RNF144A: variants seen among roughly 807,000 people sequenced by gnomAD.
RNF144A encodes the protein ring finger protein 144A, also known as E3 ubiquitin-protein ligase RNF144A.
RNF144A carries 11 observed loss-of-function variants against 38.7 expected under a neutral mutation model. The ratio of observed to expected loss-of-function variants is 0.28; its 90% CI spans 0.18 to 0.47. The LOEUF is 0.47. Among genes scored for constraint, RNF144A ranks in the 20% least tolerant of loss-of-function variants. The pLI is 0.99. For synonymous variants in RNF144A, 149 were observed against 143.9 expected, an observed-to-expected ratio of 1.04 and a Z score of -0.25; for missense variants, 316 against 377.2, an observed-to-expected ratio of 0.84 and a Z score of 1.34.
Position 7,043,714 on chromosome 2 carries a change from A to G in RNF144A, c.*3954A>G. On this transcript the variant is annotated 3_prime_UTR_variant, in exon 9 of 9. Transcript: ENST00000320892. ...GAGAGCATGCCGTCTTGATGTTTAA[A>G]AAACCCAGGGTCTCCACCCTTCCTT... The G allele has an allele frequency of 5.1e-6, 5 of 985,894 alleles. No individual in the cohort carries two copies. Among genetic ancestry groups the G allele is most frequent in the African/African-American group, 3.5e-5 (2 of 57,352 alleles). The allele number at this position is 985,894 out of a possible 1,614,324, so 61.1% of individuals were successfully genotyped here. A position where few individuals can be genotyped will look rare whatever the true frequency, so the allele number is the denominator to read the frequency against.
chr2:6,994,307 G>T (rs1429030718), intron 2 of RNF144A, among the ~76,000 whole-genome samples: 1 of 152,148 alleles, frequency 6.6e-6, no homozygotes, highest in Non-Finnish European at 1.5e-5. Context: ...AGTGCCTGGG[G>T]TGAAGGTTTG....
In RNF144A at chr2:7,040,662, C is replaced by T. The variant is rs531090998; in HGVS notation, c.*902C>T. On this transcript the variant is annotated 3_prime_UTR_variant, in exon 9 of 9. Transcript: ENST00000320892. Reference sequence around the variant, plus strand: ...CAATGGTTCTCCTCCGAATTGCTGCCGTCTGGCCTCTGGCCTCAGTCTTCA... The same window carrying T: ...CAATGGTTCTCCTCCGAATTGCTGCTGTCTGGCCTCTGGCCTCAGTCTTCA... 8 of 985,438 alleles carry T rather than the reference C, an allele frequency of 8.1e-6. No homozygotes were observed. Among genetic ancestry groups the T allele is most frequent in the Middle Eastern group, 5.2e-4 (1 of 1,914 alleles). 61.0% of individuals were successfully genotyped at this position (985,438 alleles called of 1,614,324 possible). A position where few individuals can be genotyped will look rare whatever the true frequency, so the allele number is the denominator to read the frequency against.
rs530220400 is a variant in RNF144A at position 7,018,126 on chromosome 2, G to A, written c.302-2347G>A. ...ATGAAGAGACCGAGACCCAGCTTTGGGATGTCTGCTCCTTGCTGATGTCAG... is the reference window on the plus strand; with the variant it reads ...ATGAAGAGACCGAGACCCAGCTTTGAGATGTCTGCTCCTTGCTGATGTCAG... On this transcript the variant is annotated intron_variant, in intron 5 of 8. Coordinates refer to ENST00000320892, the MANE Select transcript of RNF144A (RefSeq NM_014746.6). Among the ~76,000 whole-genome samples the A allele has an allele frequency of 4.3e-4, 66 of 152,266 alleles. 1 individual carries two copies. In the South Asian group the frequency reaches 0.014, roughly 32 times the overall value.
At chr2:7,023,216 A>T (rs1328366152) in intron 6 of RNF144A, among the ~76,000 whole-genome samples, 1 of 152,194 alleles carries the variant, frequency 6.6e-6, no homozygotes, top group African/African-American at 2.4e-5. Flanking sequence ...CCTTCTACTA[A>T]TGGACCAAAC....
At chr2:6,927,491 G>T (rs1446471082) in intron 1 of RNF144A, among the ~76,000 whole-genome samples, 1 of 152,190 alleles carries the variant, frequency 6.6e-6, no homozygotes, top group Admixed American at 6.5e-5. Context: ...GCTGTGTCCT[G>T]CTGGCCTGGC....
At chr2:7,021,302 T>C (rs770618143) in intron 6 of RNF144A, among the ~76,000 whole-genome samples, 1 of 152,150 alleles carries the variant, frequency 6.6e-6, no homozygotes, top group Non-Finnish European at 1.5e-5. Flanking sequence ...CCTGCTCCTG[T>C]TGAGTCCAGG....
Position 7,041,670 on chromosome 2 carries a change from C to T in RNF144A, c.*1910C>T. ...ATATGTGGATGCAGCTGTCCAGCCA[C>T]TGCCCTTTAACATGCCCAGCACACA... On this transcript the variant is annotated 3_prime_UTR_variant, in exon 9 of 9. Transcript: ENST00000320892. 3.0e-6 allele frequency: 3 copies of T among 985,536 alleles called. No homozygotes were observed. Among genetic ancestry groups the T allele is most frequent in the Non-Finnish European group, 3.6e-6 (3 of 829,966 alleles). 61.0% of individuals were successfully genotyped at this position (985,536 alleles called of 1,614,324 possible). A position where few individuals can be genotyped will look rare whatever the true frequency, so the allele number is the denominator to read the frequency against.
chr2:6,991,122 G>A (rs761929965), intron 2 of RNF144A, among the ~76,000 whole-genome samples: 3 of 152,118 alleles, frequency 2.0e-5, no homozygotes, highest in East Asian at 3.8e-4. Context: ...TGGCAGTTAC[G>A]GCTGAGCTGC....
rs1672932007 is a variant in RNF144A at position 7,039,765 on chromosome 2, AGCGCGAT to A, written c.*8_*14del. ...GACGACCCGTTACCCACCTAGAGGA[AGCGCGAT>A]GCTGGAACACATCCCTGCCTCCGGG... On this transcript the variant is annotated 3_prime_UTR_variant, in exon 9 of 9. Transcript: ENST00000320892. 3 of 1,612,528 alleles carry A rather than the reference AGCGCGAT, an allele frequency of 1.9e-6. No homozygotes were observed. In the African/African-American group the frequency reaches 4.0e-5, roughly 22 times the overall value.
Position 6,936,083 on chromosome 2 carries a change from G to C in RNF144A, c.-211-4865G>C, listed in dbSNP as rs369242696. ...TCGGCCTATGGAAACAGTGAAGGCA[G>C]GGGGAGCTTCACTGTTATTGCTTGT... On this transcript the variant is annotated intron_variant, in intron 1 of 8. Transcript: ENST00000320892. Among the ~76,000 whole-genome samples, 5 of 152,356 alleles carry C rather than the reference G, an allele frequency of 3.3e-5. No individual in the cohort carries two copies. The East Asian group carries it at 5.8e-4, about 18-fold the overall frequency.
intron 8 of RNF144A, 74 bp downstream of exon 8, chr2:7,030,289 GTGTGTGTGTGTGTGTGTA>G (rs1361886431): frequency 1.3e-5 from 12 of 916,052 alleles, no homozygotes; most frequent in Middle Eastern, 2.2e-4. Context: ...GTGTGTGTGT[GTGTGTGTGTGTGTGTGTA>G]TGTATATCTT....
chr2:6,977,373 A>G (rs1425944984), intron 2 of RNF144A, among the ~76,000 whole-genome samples: 1 of 152,262 alleles, frequency 6.6e-6, no homozygotes, highest in Admixed American at 6.5e-5. Flanking sequence ...AGCACAGACA[A>G]CTGGACATGG....
Position 6,928,324 on chromosome 2 carries a change from C to T in RNF144A, c.-212+10702C>T, listed in dbSNP as rs933792335. On this transcript the variant is annotated intron_variant, in intron 1 of 8. Transcript: ENST00000320892. ...ATCATCTTTGCATCAAGTTCATTGCCGCAGGCCCCCTTCATTTCTCCTCTG... is the reference window on the plus strand; with the variant it reads ...ATCATCTTTGCATCAAGTTCATTGCTGCAGGCCCCCTTCATTTCTCCTCTG... 5.3e-5 allele frequency among the ~76,000 whole-genome samples: 8 copies of T among 152,182 alleles called. No individual in the cohort carries two copies. The South Asian group carries it at 6.2e-4, about 12-fold the overall frequency.
downstream of RNF144A, among the ~76,000 whole-genome samples, chr2:7,045,041 G>A (rs1673245284): frequency 6.6e-6 from 1 of 152,360 alleles, no homozygotes. Flanking sequence ...AGGCCGGAAG[G>A]TCAGGGAAGG....
At chr2:7,005,393 C>T (rs887522848) in intron 3 of RNF144A, among the ~76,000 whole-genome samples, 2 of 152,184 alleles carry the variant, frequency 1.3e-5, no homozygotes, top group African/African-American at 4.8e-5. Context: ...TGAATCCAGC[C>T]ATCAGAGTTG....
the RNF144A span, among the ~76,000 whole-genome samples, chr2:7,075,552 GA>G: frequency 6.6e-6 from 1 of 152,166 alleles, no homozygotes; most frequent in Non-Finnish European, 1.5e-5. Context: ...GGCTTTATAA[GA>G]AGAGGAAGAA....
chr2:7,059,057 C>T (rs1221445001), intron 6 of RNF144A, among the ~76,000 whole-genome samples: 1 of 152,058 alleles, frequency 6.6e-6, no homozygotes, highest in Non-Finnish European at 1.5e-5. Flanking sequence ...TAAAAAAATA[C>T]TGTGGATGGG....
At chr2:6,964,142 C>T (rs1293011420) in intron 2 of RNF144A, among the ~76,000 whole-genome samples, 2 of 152,184 alleles carry the variant, frequency 1.3e-5, no homozygotes, top group East Asian at 1.9e-4. Flanking sequence ...AATTTTCATT[C>T]TTTGAAAGAG....
At chr2:6,976,918 A>C (rs1668353088) in intron 2 of RNF144A, among the ~76,000 whole-genome samples, 1 of 152,186 alleles carries the variant, frequency 6.6e-6, no homozygotes, top group Admixed American at 6.5e-5. Context: ...TACGCCTTTG[A>C]AAATATTATA....
Sources: gnomAD v4.1 joint callset for allele counts (sites outside exome capture counted in the v4.1 genomes callset) on GRCh38, gnomAD v4.1.1 for gene constraint, MANE v1.5 for transcripts, NCBI Gene and HGNC (gene_info 2026-07-23, HGNC 2026-07-21) for gene names.